HMGA2: variants seen among roughly 807,000 people sequenced by gnomAD.
HMGA2 encodes high mobility group AT-hook 2.
HMGA2 carries 8 observed loss-of-function variants against 19.1 expected under a neutral mutation model. The observed-to-expected ratio is 0.42, with a 90% CI of 0.25 to 0.76. HMGA2 has a LOEUF of 0.76. Ranked by LOEUF, HMGA2 falls within the 30% of genes least tolerant of loss-of-function variation. The pLI, the probability that HMGA2 is intolerant of heterozygous loss-of-function variation, is 0.28. For missense variants in HMGA2, 109 were observed against 136.3 expected (o/e 0.80, Z 1.00); for synonymous variants, 60 against 48.8 (o/e 1.23, Z -0.96).
chr12:65,864,154 T>C (rs534365931), intron 3 of HMGA2, among the ~76,000 whole-genome samples: 2 of 152,248 alleles, frequency 1.3e-5, no homozygotes, highest in South Asian at 2.1e-4. Context: ...GAGGTATCCA[T>C]AGTAACTAAG....
chr12:65,855,227 C>A lies in HMGA2; in HGVS notation c.249+16658C>A, dbSNP rs938088214. Among the ~76,000 whole-genome samples the A allele has an allele frequency of 2.0e-5, 3 of 152,060 alleles. 1 individual carries two copies. Among genetic ancestry groups the A allele is most frequent in the South Asian group, 4.2e-4 (2 of 4,804 alleles). ...TTCACATAGATTTTAAATGTCCTTGCGGGCAGATATTCACTGAGAAAACTG... is the reference window on the plus strand; with the variant it reads ...TTCACATAGATTTTAAATGTCCTTGAGGGCAGATATTCACTGAGAAAACTG... On this transcript the variant is annotated intron_variant, in intron 3 of 4. Coordinates refer to ENST00000403681, the MANE Select transcript of HMGA2 (RefSeq NM_003483.6).
intron 3 of HMGA2, among the ~76,000 whole-genome samples, chr12:65,891,395 T>TTCTCCTGCCTCAGCCTCCTGA (rs1873905119): frequency 6.6e-6 from 1 of 152,190 alleles, no homozygotes; most frequent in African/African-American, 2.4e-5. Flanking sequence ...TGATTCATGA[T>TTCTCCTGCCTCAGCCTCCTGA]GTTGAACTAC....
At chr12:65,852,294 C>T (rs1871514186) in intron 3 of HMGA2, among the ~76,000 whole-genome samples, 5 of 152,042 alleles carry the variant, frequency 3.3e-5, no homozygotes, top group African/African-American at 7.2e-5. Flanking sequence ...GTCAGGAGTT[C>T]GAGACCTGCC....
intron 3 of HMGA2, among the ~76,000 whole-genome samples, chr12:65,889,117 T>C (rs1250027115): frequency 6.6e-6 from 1 of 152,204 alleles, no homozygotes; most frequent in African/African-American, 2.4e-5. Flanking sequence ...AAAAGAAATA[T>C]TAGTTGTGCC....
intron 3 of HMGA2, chr12:65,851,650 ACT>A (rs1449375787): frequency 6.7e-6 from 3 of 444,504 alleles, no homozygotes; most frequent in Admixed American, 4.9e-5. Context: ...ACAAAGCGAG[ACT>A]CTGTCTCAAA....
At chr12:65,832,633 T>A (rs1238633480) in intron 2 of HMGA2, among the ~76,000 whole-genome samples, 3 of 152,114 alleles carry the variant, frequency 2.0e-5, no homozygotes, top group Non-Finnish European at 4.4e-5. Context: ...ACTGAATTAA[T>A]TTCACTGATT....
At chr12:65,960,413 CAG>C (rs2121328318) in intron 4 of HMGA2, among the ~76,000 whole-genome samples, 1 of 152,294 alleles carries the variant, frequency 6.6e-6, no homozygotes, top group South Asian at 2.1e-4. Context: ...TCATTCCTGA[CAG>C]GGAGGATTTT....
At chr12:65,915,262 A>T in intron 3 of HMGA2, 1 of 1,523,584 alleles carries the variant, frequency 6.6e-7, no homozygotes, top group Non-Finnish European at 8.8e-7. Flanking sequence ...AGATCATTTC[A>T]AAACACTGGC....
At chr12:65,894,398 T>C (rs896720320) in intron 3 of HMGA2, among the ~76,000 whole-genome samples, 6 of 152,178 alleles carry the variant, frequency 3.9e-5, no homozygotes, top group Non-Finnish European at 7.3e-5. Context: ...GAGAACTCTA[T>C]AGTGGTGGAG....
chr12:65,833,907 G>A (rs1006680942), intron 2 of HMGA2, among the ~76,000 whole-genome samples: 1 of 152,160 alleles, frequency 6.6e-6, no homozygotes, highest in African/African-American at 2.4e-5. Flanking sequence ...TTTGTGGGTA[G>A]CATTTTAAAA....
At chr12:65,952,133 G>T in intron 4 of HMGA2, 1 of 463,156 alleles carries the variant, frequency 2.2e-6, no homozygotes, top group African/African-American at 1.9e-5. Context: ...CTAATAATGT[G>T]AGCCAGTATT....
intron 3 of HMGA2, among the ~76,000 whole-genome samples, chr12:65,908,230 C>T (rs116462547): frequency 0.028 from 4,241 of 152,168 alleles, 205 homozygotes; most frequent in African/African-American, 0.097. Flanking sequence ...CCATTACATG[C>T]GAAGGGCAGC....
intron 3 of HMGA2, among the ~76,000 whole-genome samples, chr12:65,911,397 A>G (rs1044423904): frequency 1.3e-5 from 2 of 152,172 alleles, no homozygotes; most frequent in African/African-American, 4.8e-5. Context: ...CAGCCTTCTA[A>G]AAACCTTAAT....
intron 3 of HMGA2, among the ~76,000 whole-genome samples, chr12:65,866,539 A>C (rs1439439283): frequency 1.3e-5 from 2 of 152,144 alleles, no homozygotes; most frequent in Non-Finnish European, 2.9e-5. Context: ...CCCCTCGGTT[A>C]TGAGTGTGAC....
At chr12:65,918,934 A>G (rs553216153) in intron 3 of HMGA2, among the ~76,000 whole-genome samples, 35 of 152,318 alleles carry the variant, frequency 2.3e-4, no homozygotes, top group African/African-American at 8.2e-4. Context: ...GGCTGACTAC[A>G]ATTTTCAAAG....
chr12:65,882,708 A>G (rs533185568), intron 3 of HMGA2, among the ~76,000 whole-genome samples: 1 of 152,372 alleles, frequency 6.6e-6, no homozygotes, highest in African/African-American at 2.4e-5. Flanking sequence ...AGAAAGCATA[A>G]ACAAAGCACT....
chr12:65,948,586 CT>C (rs1876346434), intron 3 of HMGA2: 1 of 152,282 alleles, frequency 6.6e-6, no homozygotes, highest in Non-Finnish European at 1.5e-5. Context: ...CAAAAACTTT[CT>C]CGGCACAGTC....
intron 3 of HMGA2, among the ~76,000 whole-genome samples, chr12:65,878,178 C>T (rs572140824): frequency 1.3e-5 from 2 of 152,188 alleles, no homozygotes; most frequent in Non-Finnish European, 2.9e-5. Context: ...CCATAGAAAA[C>T]TGTTTTTAAG....
intron 3 of HMGA2, among the ~76,000 whole-genome samples, chr12:65,872,336 A>T (rs997478079): frequency 6.6e-6 from 1 of 152,112 alleles, no homozygotes; most frequent in Non-Finnish European, 1.5e-5. Flanking sequence ...TCTCTTGTCA[A>T]GAAGTTCCTT....
Sources: allele counts gnomAD v4.1 joint callset (sites outside exome capture counted in the v4.1 genomes callset), GRCh38; gene constraint gnomAD v4.1.1; transcripts MANE v1.5; gene names NCBI Gene and HGNC (gene_info 2026-07-23, HGNC 2026-07-21).